Variants in RAPGEF4 observed in about 807,000 individuals in gnomAD.
The protein encoded by RAPGEF4 is RAP guanine-nucleotide-exchange factor (GEF) 4.
RAPGEF4 carries 66 observed loss-of-function variants against 147.9 expected under a neutral mutation model. That is an observed-to-expected ratio of 0.45 (90% confidence interval 0.37 to 0.55). RAPGEF4 has a LOEUF of 0.55. Among genes scored for constraint, RAPGEF4 ranks in the 20% least tolerant of loss-of-function variants. RAPGEF4 has a pLI of 0.00. For missense variants in RAPGEF4, 1,071 were observed against 1,257.3 expected (o/e 0.85, Z 2.24); for synonymous variants, 419 against 442.7 (o/e 0.95, Z 0.67).
intron 4 of RAPGEF4, among the ~76,000 whole-genome samples, chr2:172,885,399 TG>T (rs1233176631): frequency 6.6e-6 from 1 of 152,240 alleles, no homozygotes; most frequent in African/African-American, 2.4e-5. Flanking sequence ...AAGACAGAAT[TG>T]TTCCCTGAAC....
chr2:173,002,641 A>G (rs1694047349), intron 17 of RAPGEF4, among the ~76,000 whole-genome samples: 1 of 143,624 alleles, frequency 7.0e-6, no homozygotes, highest in African/African-American at 2.5e-5. Flanking sequence ...TTTTTTAGGA[A>G]TTCAGTGAAT....
chr2:172,979,622 G>A lies in RAPGEF4; in HGVS notation c.1005-3874G>A, dbSNP rs563229859. ...TGCACTACCAGATACTGCTTCTCTT[G>A]AGAAGAACAGTCTAGATTTATGGAT... On this transcript the variant is annotated intron_variant, in intron 10 of 30. Coordinates refer to ENST00000397081, the MANE Select transcript of RAPGEF4 (RefSeq NM_007023.4). Among the ~76,000 whole-genome samples the A allele has an allele frequency of 6.6e-5, 10 of 152,318 alleles. No homozygotes were observed. The South Asian group carries it at 2.1e-3, about 32-fold the overall frequency.
intron 4 of RAPGEF4, among the ~76,000 whole-genome samples, chr2:172,908,897 C>G (rs1699856097): frequency 6.6e-6 from 1 of 152,140 alleles, no homozygotes; most frequent in South Asian, 2.1e-4. Flanking sequence ...CAGTAAGGAG[C>G]CAAGCCGGCC....
intron 1 of RAPGEF4, among the ~76,000 whole-genome samples, chr2:172,791,043 G>A (rs768205733): frequency 2.0e-5 from 3 of 152,176 alleles, no homozygotes; most frequent in Non-Finnish European, 4.4e-5. Flanking sequence ...AGAAAGGGGT[G>A]GGCCTATTCC....
At chr2:172,960,723 G>A in intron 6 of RAPGEF4, 37 bp from the exon 7 acceptor site, 1 of 1,513,282 alleles carries the variant, frequency 6.6e-7, no homozygotes, top group Non-Finnish European at 9.0e-7. Context: ...TGAACTTTTT[G>A]TTTAATTTTC....
At chr2:173,003,215 T>C (rs1185660465) in intron 17 of RAPGEF4, among the ~76,000 whole-genome samples, 1 of 152,062 alleles carries the variant, frequency 6.6e-6, no homozygotes, top group Non-Finnish European at 1.5e-5. Flanking sequence ...AATCACTAAC[T>C]TCTCTTTTTA....
At chr2:172,907,812 C>G (rs1431262768) in intron 4 of RAPGEF4, among the ~76,000 whole-genome samples, 1 of 152,140 alleles carries the variant, frequency 6.6e-6, no homozygotes, top group Non-Finnish European at 1.5e-5. Context: ...ATTGTTACAA[C>G]TACCATTATT....
intron 29 of RAPGEF4, among the ~76,000 whole-genome samples, chr2:173,037,176 A>T (rs1229584373): frequency 6.6e-6 from 1 of 152,150 alleles, no homozygotes; most frequent in African/African-American, 2.4e-5. Flanking sequence ...GAACATGAAA[A>T]CCTTTATAAT....
In RAPGEF4 at chr2:173,014,320, G is replaced by C. The variant is rs368621002; in HGVS notation, c.1659-144G>C. The C allele has an allele frequency of 8.0e-5, 78 of 969,468 alleles. 2 individuals carry two copies. The highest frequency in any genetic ancestry group is 4.4e-4 in the East Asian group (17 of 38,826). 60.1% of individuals were successfully genotyped at this position (969,468 alleles called of 1,614,324 possible). ...CATTCGGCACAGACACTTTCTGTGG[G>C]GTTTTTCATGAGGGCCTAGGGGAGG... On this transcript the variant is annotated intron_variant, in intron 17 of 30. Coordinates refer to ENST00000397081, the MANE Select transcript of RAPGEF4 (RefSeq NM_007023.4).
chr2:172,735,871 C>T lies in RAPGEF4; in HGVS notation c.-113C>T. ...GGCCTGTCGCAGCCGCGCTGGTCGCCAGGCGTCCGGGAGGAGCGGGGTCCG... is the reference window on the plus strand; with the variant it reads ...GGCCTGTCGCAGCCGCGCTGGTCGCTAGGCGTCCGGGAGGAGCGGGGTCCG... On this transcript the variant is annotated 5_prime_UTR_variant, in exon 1 of 31. Transcript: ENST00000397081. The T allele has an allele frequency of 3.2e-6, 3 of 932,444 alleles. No homozygotes were observed. Among genetic ancestry groups the T allele is most frequent in the Non-Finnish European group, 4.2e-6 (3 of 720,782 alleles). 57.8% of individuals were successfully genotyped at this position (932,444 alleles called of 1,614,324 possible).
rs954325671 is a variant in RAPGEF4 at position 172,772,108 on chromosome 2, A to C, written c.66-22917A>C. Among the ~76,000 whole-genome samples the C allele has an allele frequency of 2.6e-5, 4 of 152,036 alleles. No individual in the cohort carries two copies. In the East Asian group the frequency reaches 7.8e-4, roughly 30 times the overall value. ...ACGAAAATTAGCTGGGTGTGGTGGCATACGCCTGTAGTCTCAGCTACTCGG... is the reference window on the plus strand; with the variant it reads ...ACGAAAATTAGCTGGGTGTGGTGGCCTACGCCTGTAGTCTCAGCTACTCGG... On this transcript the variant is annotated intron_variant, in intron 1 of 30. Transcript: ENST00000397081.
chr2:172,960,714 G>A (rs370292352), intron 6 of RAPGEF4, 46 bp from the exon 7 acceptor site: 17 of 1,437,402 alleles, frequency 1.2e-5, no homozygotes, highest in Non-Finnish European at 1.6e-5. Flanking sequence ...TTTCTTCAGT[G>A]AACTTTTTGT....
chr2:172,802,702 A>G (rs1687099608), intron 3 of RAPGEF4, among the ~76,000 whole-genome samples: 1 of 152,238 alleles, frequency 6.6e-6, no homozygotes, highest in Admixed American at 6.5e-5. Flanking sequence ...GCATCAACTC[A>G]AAAGTCCACA....
intron 29 of RAPGEF4, chr2:173,048,382 T>C: frequency 9.9e-7 from 1 of 1,011,970 alleles, no homozygotes; most frequent in Non-Finnish European, 1.3e-6. Flanking sequence ...GTTATGCCAT[T>C]AATATTCCTT....
chr2:172,757,123 C>T (rs1193775530), intron 1 of RAPGEF4, among the ~76,000 whole-genome samples: 4 of 152,226 alleles, frequency 2.6e-5, no homozygotes, highest in African/African-American at 4.8e-5. Context: ...TGTGGATTTG[C>T]AGCAATAAAC....
chr2:172,808,139 A>T (rs1433933159), intron 3 of RAPGEF4, among the ~76,000 whole-genome samples: 2 of 152,222 alleles, frequency 1.3e-5, no homozygotes, highest in East Asian at 3.8e-4. Context: ...AGTCTTAGTT[A>T]TATGACACAT....
chr2:172,883,777 T>C (rs973536324), intron 4 of RAPGEF4, among the ~76,000 whole-genome samples: 2 of 152,036 alleles, frequency 1.3e-5, no homozygotes, highest in Non-Finnish European at 2.9e-5. Context: ...ACTTGTGTGG[T>C]CCTTGGGACC....
chr2:172,921,542 A>G (rs79892832), intron 5 of RAPGEF4, among the ~76,000 whole-genome samples: 3 of 152,352 alleles, frequency 2.0e-5, no homozygotes, highest in African/African-American at 7.2e-5. Flanking sequence ...TGCAAACCAC[A>G]TGTAAAAATG....
At position 172,965,681 on chromosome 2, in the gene RAPGEF4, A is replaced by C. The variant is rs1175182036; in HGVS notation, c.818A>C (p.His273Pro). 1.9e-6 allele frequency: 3 copies of C among 1,614,176 alleles called. No individual in the cohort carries two copies. Among genetic ancestry groups the C allele is most frequent in the Non-Finnish European group, 2.5e-6 (3 of 1,180,012 alleles). The change falls in exon 9 of 31, where the codon CAC (histidine) becomes CCC (proline). Residue 273 changes from histidine to proline, a missense_variant and splice_region_variant. His to Pro is a moderately conservative substitution (Grantham distance 77, BLOSUM62 -2). Transcript: ENST00000397081. Reference protein sequence around the residue: ...QVLLEDGVLNHVDQEHHFQDK... With the variant: ...QVLLEDGVLNPVDQEHHFQDK... ...CTGTTAGAAGATGGTGTTCTCAACC[A>C]CGGTAAGATGAGCCCCAGTCCCTGG... is the stretch of plus-strand genomic sequence containing the variant.
Sources: gnomAD v4.1 joint callset for allele counts (sites outside exome capture counted in the v4.1 genomes callset) on GRCh38, gnomAD v4.1.1 for gene constraint, MANE v1.5 for transcripts, NCBI Gene and HGNC (gene_info 2026-07-23, HGNC 2026-07-21) for gene names.